IBTK: variants seen among roughly 807,000 people sequenced by gnomAD.
IBTK encodes the protein inhibitor of Bruton tyrosine kinase.
Under a neutral mutation model 154.9 loss-of-function variants are expected in IBTK, and 83 were observed. That is an observed-to-expected ratio of 0.54 (90% confidence interval 0.45 to 0.64). The LOEUF is 0.64. Ranked by LOEUF, IBTK falls within the 30% of genes least tolerant of loss-of-function variation. The pLI, the probability that IBTK is intolerant of heterozygous loss-of-function variation, is 0.00. For synonymous variants in IBTK, 515 were observed against 536.1 expected, an observed-to-expected ratio of 0.96 and a Z score of 0.54; for missense variants, 1,332 against 1,584.6, an observed-to-expected ratio of 0.84 and a Z score of 2.71.
At chr6:82,234,295 A>AT in intron 2 of IBTK, 40 bp from the exon 3 acceptor site, 2 of 729,276 alleles carry the variant, frequency 2.7e-6, no homozygotes, top group Non-Finnish European at 4.0e-6. Flanking sequence ...ATATATATAT[A>AT]TTATTAATTA....
chr6:82,188,221 A>G (rs777735266), intron 25 of IBTK, among the ~76,000 whole-genome samples: 1 of 152,238 alleles, frequency 6.6e-6, no homozygotes, highest in Non-Finnish European at 1.5e-5. Flanking sequence ...CAATCAATCA[A>G]TAAATTGACA....
chr6:82,198,012 T>C (rs1199241041), intron 21 of IBTK, among the ~76,000 whole-genome samples: 1 of 152,180 alleles, frequency 6.6e-6, no homozygotes, highest in Non-Finnish European at 1.5e-5. Context: ...ACCAGGAAAA[T>C]ACGGACCTGG....
intron 21 of IBTK, among the ~76,000 whole-genome samples, chr6:82,199,239 GTGTGTGTGTGTT>G (rs1228684677): frequency 1.3e-5 from 2 of 151,838 alleles, no homozygotes; most frequent in Non-Finnish European, 2.9e-5. Flanking sequence ...TCTGTATTGT[GTGTGTGTGTGTT>G]TGTGTGTGTG....
At chr6:82,236,529 C>T (rs1023945453) in intron 2 of IBTK, among the ~76,000 whole-genome samples, 2 of 152,174 alleles carry the variant, frequency 1.3e-5, no homozygotes, top group African/African-American at 4.8e-5. Flanking sequence ...AGCCATGCAT[C>T]CTGTCATGGA....
At chr6:82,200,746 C>G in intron 19 of IBTK, 38 bp from the exon 20 acceptor site, 1 of 636,632 alleles carries the variant, frequency 1.6e-6, no homozygotes, top group Non-Finnish European at 2.4e-6. Flanking sequence ...AATACAAAAT[C>G]TGTGAAGTTT....
chr6:82,183,630 T>G (rs1290234013), intron 25 of IBTK, among the ~76,000 whole-genome samples: 3 of 152,060 alleles, frequency 2.0e-5, no homozygotes, highest in Non-Finnish European at 2.9e-5. Context: ...GATTCTAAAA[T>G]TTACATGAGA....
rs185359811 is a variant in IBTK, at chr6:82,218,687, A to C, written c.1249-550T>G. On this transcript the variant is annotated intron_variant, in intron 9 of 28. Transcript: ENST00000306270. ...AAAAGTAGCTCCAGGGGACTTGCTA[A>C]GGGATGGAGAATGATGAGAGATGGG... Among the ~76,000 whole-genome samples the C allele has an allele frequency of 1.4e-3, 206 of 152,310 alleles. 1 individual carries two copies. Among genetic ancestry groups the C allele is most frequent in the Admixed American group, 7.6e-3 (116 of 15,294 alleles).
At chr6:82,202,355 T>A (rs897905734) in intron 18 of IBTK, among the ~76,000 whole-genome samples, 173 bp downstream of exon 18, 3 of 152,162 alleles carry the variant, frequency 2.0e-5, no homozygotes, top group Admixed American at 6.6e-5. Flanking sequence ...ATTCAAAAGT[T>A]TTCAAGAGCT....
At chr6:82,219,385 C>G (rs1424000411) in intron 9 of IBTK, among the ~76,000 whole-genome samples, 2 of 152,122 alleles carry the variant, frequency 1.3e-5, no homozygotes, top group Non-Finnish European at 2.9e-5. Flanking sequence ...TCCTCAATTT[C>G]TAAAATGTCA....
chr6:82,213,033 C>CA (rs112260878), intron 12 of IBTK, among the ~76,000 whole-genome samples: 1 of 146,526 alleles, frequency 6.8e-6, no homozygotes, highest in Non-Finnish European at 1.5e-5. Flanking sequence ...AAAGTTTTTC[C>CA]TTTTTTTTTT....
intron 18 of IBTK, among the ~76,000 whole-genome samples, chr6:82,201,867 A>T (rs952012018): frequency 6.6e-6 from 1 of 151,974 alleles, no homozygotes; most frequent in African/African-American, 2.4e-5. Context: ...TGAGACTACC[A>T]GGCACACACA....
rs1038185290 is a variant in IBTK, at chr6:82,189,067, C to T, written c.3575+2006G>A. 11 of 437,174 alleles carry T rather than the reference C, an allele frequency of 2.5e-5. No individual in the cohort carries two copies. The East Asian group carries it at 8.0e-4, about 32-fold the overall frequency. 27.1% of individuals were successfully genotyped at this position (437,174 alleles called of 1,614,324 possible). A position where few individuals can be genotyped will look rare whatever the true frequency, so the allele number is the denominator to read the frequency against. ...GAAAAAGTAAGAAATTTAGAGAAGCCTAGGGGGACCAATATCTGACTAATG... is the reference window on the plus strand; with the variant it reads ...GAAAAAGTAAGAAATTTAGAGAAGCTTAGGGGGACCAATATCTGACTAATG... On this transcript the variant is annotated intron_variant, in intron 25 of 28. Transcript: ENST00000306270.
At chr6:82,245,086 T>A (rs954435366) in intron 1 of IBTK, among the ~76,000 whole-genome samples, 2 of 152,208 alleles carry the variant, frequency 1.3e-5, no homozygotes, top group African/African-American at 4.8e-5. Context: ...GTTCCTATTA[T>A]CAAAGGGTCA....
intron 3 of IBTK, among the ~76,000 whole-genome samples, chr6:82,233,079 C>A (rs1034239847): frequency 2.0e-5 from 3 of 151,192 alleles, no homozygotes; most frequent in Non-Finnish European, 1.5e-5. Context: ...TCAGCTTGAA[C>A]CCGGGAGGCG....
chr6:82,173,501 T>C (rs1768005814), intron 26 of IBTK, 63 bp from the exon 27 acceptor site: 2 of 1,345,164 alleles, frequency 1.5e-6, no homozygotes, highest in Non-Finnish European at 2.1e-6. Flanking sequence ...AACTGCTTAT[T>C]AATAGATACA....
chr6:82,180,720 A>G (rs1768290885), intron 26 of IBTK, among the ~76,000 whole-genome samples: 1 of 152,222 alleles, frequency 6.6e-6, no homozygotes, highest in Non-Finnish European at 1.5e-5. Context: ...TCACAATAGT[A>G]ACAATAAAAA....
chr6:82,231,871 T>C (rs749127341), intron 3 of IBTK, 29 bp from the exon 4 acceptor site: 2 of 1,367,544 alleles, frequency 1.5e-6, no homozygotes, highest in South Asian at 2.7e-5. Flanking sequence ...TTTATACTTT[T>C]TTATATTTTA....
intron 25 of IBTK, among the ~76,000 whole-genome samples, chr6:82,185,630 C>A (rs1304101988): frequency 1.3e-5 from 2 of 151,052 alleles, no homozygotes; most frequent in African/African-American, 4.9e-5. Flanking sequence ...GCATATATTA[C>A]AAGTATTTAC....
chr6:82,223,999 T>TA (rs1483299841), intron 7 of IBTK, 69 bp downstream of exon 7: 3 of 900,212 alleles, frequency 3.3e-6, no homozygotes, highest in Non-Finnish European at 5.3e-6. Flanking sequence ...CAATAAAAAT[T>TA]AAAAAGAAAA....
Sources: allele counts gnomAD v4.1 joint callset (sites outside exome capture counted in the v4.1 genomes callset), GRCh38; gene constraint gnomAD v4.1.1; transcripts MANE v1.5; gene names NCBI Gene and HGNC (gene_info 2026-07-23, HGNC 2026-07-21).